The following VAV2 variants were observed in gnomAD, a reference collection of about 807,000 sequenced individuals.
VAV2 encodes vav guanine nucleotide exchange factor 2.
Under a neutral mutation model 132.5 loss-of-function variants are expected in VAV2, and 67 were observed. That is an observed-to-expected ratio of 0.51 (90% confidence interval 0.42 to 0.62). The LOEUF (loss-of-function observed/expected upper bound fraction) is 0.62, where lower values mean the gene tolerates loss of function less well. Among genes scored for constraint, VAV2 ranks in the 20% least tolerant of loss-of-function variants. The pLI is 0.00. For missense variants in VAV2, 938 were observed against 1,153.6 expected (o/e 0.81, Z 2.71); for synonymous variants, 492 against 443.5 (o/e 1.11, Z -1.37).
chr9:133,809,979 C>A (rs1194718127), intron 6 of VAV2, among the ~76,000 whole-genome samples: 2 of 152,218 alleles, frequency 1.3e-5, no homozygotes, highest in African/African-American at 4.8e-5. Context: ...GTCTGCCAGG[C>A]TGCAGGTCTC....
intron 1 of VAV2, among the ~76,000 whole-genome samples, chr9:133,947,349 T>C (rs923784991): frequency 1.3e-5 from 2 of 152,086 alleles, no homozygotes; most frequent in African/African-American, 4.8e-5. Flanking sequence ...GGTGGTCCCT[T>C]ATCACCCATT....
At chr9:133,933,068 T>C (rs1840742650) in intron 2 of VAV2, among the ~76,000 whole-genome samples, 1 of 152,240 alleles carries the variant, frequency 6.6e-6, no homozygotes, top group Admixed American at 6.5e-5. Context: ...AAAACACTGG[T>C]CAAACCAGCC....
chr9:133,769,730 G>A lies in VAV2; in HGVS notation c.2348-227C>T, dbSNP rs1001629538. 3.3e-5 allele frequency among the ~76,000 whole-genome samples: 5 copies of A among 152,320 alleles called. No homozygotes were observed. Among genetic ancestry groups the A allele is most frequent in the South Asian group, 2.1e-4 (1 of 4,828 alleles). ...TACCCTGGAACCACTCTATGCACCC[G>A]TGTACTCGAGAGCAAATTGGGACCA... is the stretch of plus-strand genomic sequence containing the variant. On this transcript the variant is annotated intron_variant, in intron 27 of 29. Coordinates refer to ENST00000371850, the MANE Select transcript of VAV2 (RefSeq NM_001134398.2). The surrounding 1 kb of genome is among the most constrained non-coding windows in gnomAD (Gnocchi z 8.1).
At chr9:133,956,372 T>A (rs906008502) in intron 1 of VAV2, among the ~76,000 whole-genome samples, 2 of 152,088 alleles carry the variant, frequency 1.3e-5, no homozygotes, top group African/African-American at 4.8e-5. Context: ...AGCTGTGGGG[T>A]TGGGCCCAGC....
At position 133,969,420 on chromosome 9, in the gene VAV2, A is replaced by C. The variant is rs1046945318; in HGVS notation, c.204+22655T>G. 6.6e-6 allele frequency among the ~76,000 whole-genome samples: 1 copy of C among 152,064 alleles called. No individual in the cohort carries two copies. The highest frequency in any genetic ancestry group is 1.5e-5 in the Non-Finnish European group (1 of 67,998). ...CCAGGCTGGGGCCAGACCCACCAAG[A>C]CCACTGACCTCCCACCTTCAAGTCC... On this transcript the variant is annotated intron_variant, in intron 1 of 29. Transcript: ENST00000371850. The surrounding 1 kb of genome is among the most constrained non-coding windows in gnomAD (Gnocchi z 5.1).
intron 2 of VAV2, among the ~76,000 whole-genome samples, chr9:133,895,568 T>C (rs1009629935): frequency 2.0e-5 from 3 of 152,176 alleles, no homozygotes; most frequent in African/African-American, 7.2e-5. Context: ...TATTGTGACA[T>C]TCCATTTATA....
chr9:133,906,362 T>A (rs542056974), intron 2 of VAV2, among the ~76,000 whole-genome samples: 1 of 152,310 alleles, frequency 6.6e-6, no homozygotes, highest in South Asian at 2.1e-4. Flanking sequence ...ATGTGAGCCA[T>A]GTCATTTGCC....
At chr9:133,849,064 C>T (rs185685631) in intron 3 of VAV2, among the ~76,000 whole-genome samples, 11 of 152,368 alleles carry the variant, frequency 7.2e-5, no homozygotes, top group Admixed American at 2.0e-4. Context: ...TTAATGCTGA[C>T]AGTTGCTGAA....
rs1588174952 is a variant in VAV2 at position 133,788,628 on chromosome 9, A to G, written c.1275-142T>C. ...TGCCCTCACCTGGCTCACCAGGCTA[A>G]TGCTGAGCCTCGGTCAGGTCTCGGC... is the stretch of plus-strand genomic sequence containing the variant. On this transcript the variant is annotated intron_variant, in intron 14 of 29. Coordinates refer to ENST00000371850, the MANE Select transcript of VAV2 (RefSeq NM_001134398.2). This position sits in a 1 kb window ranked among gnomAD's most constrained non-coding sequence, Gnocchi z 5.3. 8.3e-7 allele frequency: 1 copy of G among 1,210,078 alleles called. No homozygotes were observed. Among genetic ancestry groups the G allele is most frequent in the East Asian group, 2.5e-5 (1 of 39,268 alleles). The allele number at this position is 1,210,078 out of a possible 1,614,324, so 75.0% of individuals were successfully genotyped here.
At chr9:133,986,326 T>C (rs1216351536) in intron 1 of VAV2, among the ~76,000 whole-genome samples, 2 of 152,182 alleles carry the variant, frequency 1.3e-5, no homozygotes, top group African/African-American at 4.8e-5. Flanking sequence ...AAGGAGGCTG[T>C]AACCTTCCAA....
chr9:133,770,933 C>G (rs949015310), intron 26 of VAV2, among the ~76,000 whole-genome samples: 4 of 152,058 alleles, frequency 2.6e-5, no homozygotes, highest in African/African-American at 9.7e-5. Context: ...GGGGCATTGC[C>G]AGCATTATTA....
At chr9:133,816,541 A>C (rs1439865275) in intron 4 of VAV2, among the ~76,000 whole-genome samples, 2 of 152,198 alleles carry the variant, frequency 1.3e-5, no homozygotes, top group Non-Finnish European at 2.9e-5. Context: ...TCCCATAGGA[A>C]TATCCACATG....
At chr9:133,822,249 C>G (rs958017780) in intron 4 of VAV2, among the ~76,000 whole-genome samples, 2 of 152,206 alleles carry the variant, frequency 1.3e-5, no homozygotes, top group African/African-American at 4.8e-5. Flanking sequence ...TGCTGACAGG[C>G]TGGGATGCGC....
chr9:133,871,895 C>T (rs112009046), intron 2 of VAV2, among the ~76,000 whole-genome samples: 2 of 151,918 alleles, frequency 1.3e-5, no homozygotes, highest in Non-Finnish European at 2.9e-5. Flanking sequence ...CCTTCTGAGC[C>T]CCCAGCAGGT....
intron 16 of VAV2, 125 bp downstream of exon 16, chr9:133,787,121 G>T: frequency 1.8e-6 from 2 of 1,100,404 alleles, no homozygotes; most frequent in African/African-American, 1.6e-5. Context: ...AGTGGAGGAC[G>T]AAGGACCAAG....
rs565554463 is a variant in VAV2 at position 133,903,580 on chromosome 9, A to T, written c.321+35523T>A. Reference sequence around the variant, plus strand: ...CACACAAGCCTTTTCTGGGGTTCTCAGGACACAAAGTCGGACATGGCCTCA... The same window carrying T: ...CACACAAGCCTTTTCTGGGGTTCTCTGGACACAAAGTCGGACATGGCCTCA... On this transcript the variant is annotated intron_variant, in intron 2 of 29. Transcript: ENST00000371850. Among the ~76,000 whole-genome samples the T allele has an allele frequency of 2.0e-4, 30 of 152,344 alleles. No individual in the cohort carries two copies. In the South Asian group the frequency reaches 6.2e-3, roughly 32 times the overall value.
At chr9:133,948,145 G>A (rs567349066) in intron 1 of VAV2, among the ~76,000 whole-genome samples, 89 of 152,272 alleles carry the variant, frequency 5.8e-4, no homozygotes, top group African/African-American at 2.0e-3. Context: ...GCAGATGTCC[G>A]AGGCCACTCC....
intron 2 of VAV2, among the ~76,000 whole-genome samples, chr9:133,934,188 G>A (rs1840820473): frequency 7.2e-6 from 1 of 139,660 alleles, no homozygotes; most frequent in African/African-American, 2.6e-5. Context: ...GTCTTCCCAA[G>A]GAATGACTCC....
intron 1 of VAV2, among the ~76,000 whole-genome samples, chr9:133,986,416 C>T (rs994897979): frequency 6.6e-6 from 1 of 152,180 alleles, no homozygotes; most frequent in African/African-American, 2.4e-5. Flanking sequence ...ACAGGCAGCC[C>T]AGGGTCCTGA....
Sources: gnomAD v4.1 joint callset for allele counts (sites outside exome capture counted in the v4.1 genomes callset) on GRCh38, gnomAD v4.1.1 for gene constraint, Gnocchi (gnomAD v3.1) non-coding constraint, MANE v1.5 for transcripts, NCBI Gene and HGNC (gene_info 2026-07-23, HGNC 2026-07-21) for gene names.